ANKAR: variants seen among roughly 807,000 people sequenced by gnomAD.
The protein encoded by ANKAR is ankyrin and armadillo repeat containing, also known as ankyrin and armadillo repeat-containing protein.
Under a neutral mutation model 146.2 loss-of-function variants are expected in ANKAR, and 136 were observed. The observed-to-expected ratio is 0.93, with a 90% CI of 0.81 to 1.07. ANKAR has a LOEUF of 1.07. Ranked by LOEUF, ANKAR falls within the 50% of genes least tolerant of loss-of-function variation. The probability of loss-of-function intolerance (pLI) is 0.00; values close to 1 mark genes in which losing one functional copy is unlikely to be tolerated. For missense variants in ANKAR, 1,567 were observed against 1,679.9 expected (o/e 0.93, Z 1.18); for synonymous variants, 500 against 575.8 (o/e 0.87, Z 1.88).
intron 8 of ANKAR, among the ~76,000 whole-genome samples, chr2:189,705,438 CA>C (rs2105660842): frequency 6.6e-6 from 1 of 152,360 alleles, no homozygotes; most frequent in Non-Finnish European, 1.5e-5. Flanking sequence ...AACCACTTAT[CA>C]TTAGAATTTA....
At chr2:189,733,359 T>C in intron 17 of ANKAR, 130 bp downstream of exon 17, 1 of 763,848 alleles carries the variant, frequency 1.3e-6, no homozygotes, top group Non-Finnish European at 1.9e-6. Context: ...AAAAGATCTC[T>C]TTGTAGGTCA....
At chr2:189,751,305 A>G (rs191278824), downstream of ANKAR, among the ~76,000 whole-genome samples, 80 of 152,332 alleles carry the variant, frequency 5.3e-4, no homozygotes, top group Middle Eastern at 3.4e-3. Flanking sequence ...GAATCAGAGG[A>G]TATACTCTAT....
intron 9 of ANKAR, among the ~76,000 whole-genome samples, chr2:189,708,817 G>A (rs2039307632): frequency 1.3e-5 from 2 of 152,180 alleles, no homozygotes; most frequent in Admixed American, 1.3e-4. Flanking sequence ...GTTTTGGAAT[G>A]TATCCTCTGC....
intron 10 of ANKAR, among the ~76,000 whole-genome samples, chr2:189,715,494 G>A (rs976499097): frequency 3.0e-4 from 45 of 152,102 alleles, no homozygotes; most frequent in African/African-American, 9.4e-4. Context: ...ATTCACAGCC[G>A]AATTCTACCA....
chr2:189,688,340 G>A lies in ANKAR; in HGVS notation c.602-1187G>A, dbSNP rs144273708. ...TAGGCGTCTGTTTTTATGCCAGTAC[G>A]ATGCAGTTTGGGTGACTATCACTCT... On this transcript the variant is annotated intron_variant, in intron 2 of 22. Transcript: ENST00000684021. Among the ~76,000 whole-genome samples the A allele has an allele frequency of 1.5e-4, 23 of 152,200 alleles. No homozygotes were observed. In the East Asian group the frequency reaches 4.4e-3, roughly 29 times the overall value.
chr2:189,715,215 G>C (rs2040277435), intron 10 of ANKAR, among the ~76,000 whole-genome samples: 1 of 152,038 alleles, frequency 6.6e-6, no homozygotes, highest in South Asian at 2.1e-4. Flanking sequence ...GAAGAAAAGA[G>C]AGAAGAATCA....
At position 189,689,521 on chromosome 2, in the gene ANKAR, A is replaced by G. The variant is rs746148116; in HGVS notation, c.602-6A>G. ...CTATCTAAAATTTTCCTTTTTTATC[A>G]TGAAGGTTTGACTGATATTACAAAG... On this transcript the variant is annotated splice_polypyrimidine_tract_variant and splice_region_variant and intron_variant, in intron 2 of 22. Transcript: ENST00000684021. The G allele has an allele frequency of 6.5e-7, 1 of 1,542,894 alleles. No homozygotes were observed. The highest frequency in any genetic ancestry group is 1.4e-5 in the African/African-American group (1 of 71,550).
At chr2:189,750,376 A>G (rs1215571875), downstream of ANKAR, among the ~76,000 whole-genome samples, 1 of 152,204 alleles carries the variant, frequency 6.6e-6, no homozygotes, top group East Asian at 1.9e-4. Context: ...AATAATTAAA[A>G]GAAAAAAACT....
chr2:189,761,074 AT>A (rs1030474661), intron 18 of ANKAR: 124 of 120,354 alleles, frequency 1.0e-3, no homozygotes, highest in South Asian at 2.4e-3. Context: ...TATGAATAGG[AT>A]TTTTTTTTTC....
downstream of ANKAR, among the ~76,000 whole-genome samples, chr2:189,749,428 T>C (rs114022445): frequency 0.01 from 1,567 of 151,640 alleles, 33 homozygotes; most frequent in African/African-American, 0.036. Flanking sequence ...AAAAATTATG[T>C]ATGAGAAAGG....
rs140832996 is a variant in ANKAR at position 189,676,771 on chromosome 2, T to G, written c.281T>G (p.Leu94Arg). The change falls in exon 2 of 23, where the codon CTC becomes CGC. Residue 94 changes from leucine to arginine, a missense_variant. By Grantham distance (102) the Leu-to-Arg change is moderately radical (BLOSUM62 -2). Coordinates refer to ENST00000684021, the MANE Select transcript of ANKAR (RefSeq NM_001378068.1). ...CTGACTCCCGTGGACCCTACTGCCC[T>G]CTTAGACTATAGAGAGGTCCATCAA... Reference protein sequence around the residue: ...ILLTPVDPTALLDYREVHQMI... With the variant: ...ILLTPVDPTARLDYREVHQMI... The G allele has an allele frequency of 3.1e-3, 5,056 of 1,614,174 alleles. 132 individuals carry two copies. In the African/African-American group the frequency reaches 0.058, roughly 19 times the overall value.
At chr2:189,703,273 A>G (rs2038349329) in intron 7 of ANKAR, among the ~76,000 whole-genome samples, 1 of 152,206 alleles carries the variant, frequency 6.6e-6, no homozygotes, top group South Asian at 2.1e-4. Flanking sequence ...GATAAGGGCA[A>G]AACAAGATGG....
Position 189,707,027 on chromosome 2 carries a change from A to G in ANKAR, c.2000A>G (p.Lys667Arg), listed in dbSNP as rs2039037873. 2.5e-6 allele frequency: 4 copies of G among 1,613,760 alleles called. No homozygotes were observed. The highest frequency in any genetic ancestry group is 3.4e-6 in the Non-Finnish European group (4 of 1,179,724). Residue 667 changes from lysine to arginine, a missense_variant, in exon 9 of 23, where the codon AAA becomes AGA. Coordinates refer to ENST00000684021, the MANE Select transcript of ANKAR (RefSeq NM_001378068.1). The part of the protein sequence containing the change: ...YLFSIGANWR[K>R]TDIKGNNIIH... ...TTTTCTATCGGTGCTAACTGGAGAA[A>G]AACAGATATTAAAGGAAATAATATA...
chr2:189,756,069 T>C (rs1282449293), intron 18 of ANKAR, among the ~76,000 whole-genome samples: 1 of 152,200 alleles, frequency 6.6e-6, no homozygotes, highest in African/African-American at 2.4e-5. Flanking sequence ...CAAAGTTTGT[T>C]CAGCTATTCA....
chr2:189,758,312 C>T (rs1417627269), intron 18 of ANKAR, among the ~76,000 whole-genome samples: 2 of 151,896 alleles, frequency 1.3e-5, no homozygotes, highest in African/African-American at 2.4e-5. Flanking sequence ...ACCCGGGAGG[C>T]GGAGGTTGTG....
chr2:189,683,354 C>T (rs1023010955), intron 2 of ANKAR, among the ~76,000 whole-genome samples: 7 of 152,158 alleles, frequency 4.6e-5, no homozygotes, highest in African/African-American at 1.7e-4. Context: ...CAGATTTGTT[C>T]CTACACCAGA....
intron 12 of ANKAR, among the ~76,000 whole-genome samples, chr2:189,724,839 A>G (rs2041682700): frequency 6.6e-6 from 1 of 152,216 alleles, no homozygotes; most frequent in South Asian, 2.1e-4. Context: ...TTGGAAATAT[A>G]TTGATATTCT....
intron 7 of ANKAR, among the ~76,000 whole-genome samples, chr2:189,700,118 T>A (rs564503841): frequency 7.2e-5 from 11 of 152,290 alleles, no homozygotes; most frequent in Non-Finnish European, 1.3e-4. Flanking sequence ...TTCTTCTCTT[T>A]GGACAACTTC....
At chr2:189,704,596 T>A (rs906214515) in intron 7 of ANKAR, among the ~76,000 whole-genome samples, 6 of 105,312 alleles carry the variant, frequency 5.7e-5, no homozygotes, top group African/African-American at 1.1e-4. Flanking sequence ...TATATATATA[T>A]AATTTTAATT....
Sources: allele counts gnomAD v4.1 joint callset (sites outside exome capture counted in the v4.1 genomes callset), GRCh38; gene constraint gnomAD v4.1.1; transcripts MANE v1.5; gene names NCBI Gene and HGNC (gene_info 2026-07-23, HGNC 2026-07-21).